SLC2A14: variants seen among roughly 807,000 people sequenced by gnomAD.
SLC2A14 encodes the protein solute carrier family 2, facilitated glucose transporter member 14.
Under a neutral mutation model 43.0 loss-of-function variants are expected in SLC2A14, and 13 were observed. That is an observed-to-expected ratio of 0.30 (90% CI 0.20 to 0.48). The LOEUF (loss-of-function observed/expected upper bound fraction) is 0.48, where lower values mean the gene tolerates loss of function less well. Ranked by LOEUF, SLC2A14 falls within the 20% of genes least tolerant of loss-of-function variation. The probability of loss-of-function intolerance (pLI) is 0.99; values close to 1 mark genes in which losing one functional copy is unlikely to be tolerated. For missense variants in SLC2A14, 428 were observed against 620.4 expected, an observed-to-expected ratio of 0.69 and a Z score of 3.29; for synonymous variants, 190 against 233.8, an observed-to-expected ratio of 0.81 and a Z score of 1.71.
At chr12:7,849,510 G>A (rs1253994687) in intron 2 of SLC2A14, among the ~76,000 whole-genome samples, 1 of 151,834 alleles carries the variant, frequency 6.6e-6, no homozygotes, top group African/African-American at 2.4e-5. Context: ...ACACACATAA[G>A]TAAATCAAGA....
At position 7,888,625 on chromosome 12, in the gene SLC2A14, C is replaced by T. The variant is rs774285631; in HGVS notation, c.132+2371G>A. ...CCATCCTGGCCAACATGGTGAAACC[C>T]CGTCTCTACTAAAAATACAAAAATT... On this transcript the variant is annotated intron_variant, in intron 1 of 9. Coordinates refer to the SLC2A14 transcript ENST00000539924. Among the ~76,000 whole-genome samples the T allele has an allele frequency of 4.0e-5, 6 of 151,892 alleles. No individual in the cohort carries two copies. The South Asian group carries it at 8.3e-4, about 21-fold the overall frequency.
intron 10 of SLC2A14, among the ~76,000 whole-genome samples, chr12:7,815,647 G>A (rs1331593475): frequency 2.0e-5 from 3 of 152,046 alleles, no homozygotes; most frequent in South Asian, 2.1e-4. Flanking sequence ...CATGAGCTCC[G>A]CTCACAGCAT....
At chr12:7,832,596 C>T (rs772701742) in intron 3 of SLC2A14, 126 bp downstream of exon 3, 19 of 994,756 alleles carry the variant, frequency 1.9e-5, no homozygotes, top group Non-Finnish European at 2.7e-5. Context: ...AAGCCTCAGC[C>T]TCCGGAGTAG....
chr12:7,825,465 A>C (rs1398453254), intron 7 of SLC2A14, among the ~76,000 whole-genome samples: 2 of 146,540 alleles, frequency 1.4e-5, no homozygotes, highest in African/African-American at 5.0e-5. Context: ...CTCTCAAAAA[A>C]AAAAAAAGAA....
In SLC2A14 at chr12:7,829,773, A is replaced by G; in HGVS notation, c.506T>C (p.Val169Ala). 2 of 1,614,166 alleles carry G rather than the reference A, an allele frequency of 1.2e-6. No individual in the cohort carries two copies. The highest frequency in any genetic ancestry group is 1.1e-5 in the South Asian group (1 of 91,088). ...NQLGIVIGIL[V>A]AQIFGLELIL... ...TGAGAAGTTCTAGAGTACCTGGGCC[A>G]CCAGAATTCCAATAACTATGCCCAG... Residue 169 changes from valine (V) to alanine (A), a missense_variant, in exon 5 of 11, where the codon GTG becomes GCG. By Grantham distance (64) the Val-to-Ala change is moderately conservative (BLOSUM62 0). This residue lies in a region of SLC2A14 where 185 missense variants were observed against 275.4 expected (regional missense o/e 0.67). Transcript: ENST00000431042.
In SLC2A14 at chr12:7,817,787, C is replaced by A. The variant is rs5015583; in HGVS notation, c.1275+44G>T. ...AGATAGATAGATAGATAGACAGATACATAGATAGATACATAGATACATAGA... is the reference window on the plus strand; with the variant it reads ...AGATAGATAGATAGATAGACAGATAAATAGATAGATACATAGATACATAGA... On this transcript the variant is annotated intron_variant, in intron 10 of 10. Transcript: ENST00000431042. 5 of 830,546 alleles carry A rather than the reference C, an allele frequency of 6.0e-6. No homozygotes were observed. In the Admixed American group the frequency reaches 1.1e-4, roughly 19 times the overall value. 51.4% of individuals were successfully genotyped at this position (830,546 alleles called of 1,614,324 possible).
chr12:7,850,075 T>A (rs905484221), intron 2 of SLC2A14, among the ~76,000 whole-genome samples: 1 of 148,348 alleles, frequency 6.7e-6, no homozygotes, highest in African/African-American at 2.5e-5. Flanking sequence ...TTTATTCACG[T>A]GGAAACACCC....
intron 2 of SLC2A14, among the ~76,000 whole-genome samples, chr12:7,838,592 A>C (rs1172572268): frequency 6.6e-6 from 1 of 152,216 alleles, no homozygotes; most frequent in Non-Finnish European, 1.5e-5. Context: ...CCTCAGGATT[A>C]ATCATACCTC....
At chr12:7,822,665 T>C (rs1864022165) in intron 7 of SLC2A14, among the ~76,000 whole-genome samples, 3 of 116,588 alleles carry the variant, frequency 2.6e-5, no homozygotes, top group South Asian at 6.0e-4. Context: ...CGAGACTCCA[T>C]CTCAAAAAAA....
At position 7,861,382 on chromosome 12, in the gene SLC2A14, C is replaced by G. The variant is rs149517079; in HGVS notation, c.18+8481G>C. 9.4e-4 allele frequency among the ~76,000 whole-genome samples: 143 copies of G among 152,168 alleles called. 2 individuals carry two copies. Among genetic ancestry groups the G allele is most frequent in the African/African-American group, 3.1e-3 (129 of 41,504 alleles). On this transcript the variant is annotated intron_variant, in intron 2 of 10. Transcript: ENST00000431042. The stretch of plus-strand genomic sequence containing the variant: ...GCTTCCAGGGATTAATTTCTGCTGT[C>G]TATTATCTGGTATACATGCTTTCAG...
chr12:7,875,804 G>A (rs1447579598), upstream of SLC2A14, among the ~76,000 whole-genome samples: 2 of 151,958 alleles, frequency 1.3e-5, no homozygotes, highest in South Asian at 2.1e-4. Context: ...GAAAGACCCC[G>A]TCTCTACTAA....
At chr12:7,838,664 C>A (rs1459478152) in intron 2 of SLC2A14, among the ~76,000 whole-genome samples, 2 of 152,140 alleles carry the variant, frequency 1.3e-5, no homozygotes, top group African/African-American at 4.8e-5. Flanking sequence ...GGAACTCATG[C>A]TGGAATGGGT....
intron 2 of SLC2A14, 98 bp from the exon 3 acceptor site, chr12:7,832,912 C>G (rs1865154728): frequency 8.5e-7 from 1 of 1,182,190 alleles, no homozygotes; most frequent in African/African-American, 1.5e-5. Flanking sequence ...GAGAATCTGA[C>G]CTATGAGTGG....
At chr12:7,870,294 C>A (rs1592312682) in intron 1 of SLC2A14, among the ~76,000 whole-genome samples, 1 of 152,150 alleles carries the variant, frequency 6.6e-6, no homozygotes, top group East Asian at 1.9e-4. Context: ...GGTAATCTTG[C>A]TGTCATAAAA....
chr12:7,881,342 G>A (rs2121106959), intron 1 of SLC2A14, among the ~76,000 whole-genome samples: 1 of 152,102 alleles, frequency 6.6e-6, no homozygotes, highest in South Asian at 2.1e-4. Context: ...GTTCCGGGTG[G>A]GTTTGGGCTC....
intron 2 of SLC2A14, among the ~76,000 whole-genome samples, chr12:7,839,254 G>A (rs1273776664): frequency 7.0e-6 from 1 of 142,564 alleles, no homozygotes; most frequent in Admixed American, 7.3e-5. Context: ...TCTCTCAGTA[G>A]AGATGATACT....
rs1864866656 is a variant in SLC2A14, at chr12:7,829,978, A to C, written c.301T>G (p.Leu101Val). The C allele has an allele frequency of 6.2e-7, 1 of 1,614,126 alleles. No individual in the cohort carries two copies. The highest frequency in any genetic ancestry group is 1.3e-5 in the African/African-American group (1 of 74,942). The change falls in exon 5 of 11, where the codon TTG (leucine) becomes GTG (valine). Residue 101 changes from leucine to valine, a missense_variant. Around this residue, in one of 4 missense-constraint regions of SLC2A14, gnomAD observed 122 missense variants for 128.8 expected, o/e 0.95. Coordinates refer to ENST00000431042, the MANE Select transcript of SLC2A14 (RefSeq NM_001286234.2). ...ATAAGGCAGCCACCAGTGGCAGCCA[A>C]CAGGTTGACAATCAGCATTGAATTG... is the stretch of plus-strand genomic sequence containing the variant. ...RRNSMLIVNL[L>V]AATGGCLMGL...
Position 7,814,147 on chromosome 12 carries a change from G to A in SLC2A14, c.*169C>T, listed in dbSNP as rs2120628253. 8.0e-7 allele frequency: 1 copy of A among 1,257,538 alleles called. No individual in the cohort carries two copies. Among genetic ancestry groups the A allele is most frequent in the African/African-American group, 1.5e-5 (1 of 66,584 alleles). 77.9% of individuals were successfully genotyped at this position (1,257,538 alleles called of 1,614,324 possible). A position where few individuals can be genotyped will look rare whatever the true frequency, so the allele number is the denominator to read the frequency against. ...AGGAAATAAAATTTAAAAAGCCATTGAAGATCCAACAAACTGCAGCCTTGG... is the reference window on the plus strand; with the variant it reads ...AGGAAATAAAATTTAAAAAGCCATTAAAGATCCAACAAACTGCAGCCTTGG... On this transcript the variant is annotated 3_prime_UTR_variant, in exon 11 of 11. Coordinates refer to ENST00000431042, the MANE Select transcript of SLC2A14 (RefSeq NM_001286234.2).
rs769402697 is a variant in SLC2A14 at position 7,860,005 on chromosome 12, C to T, written c.18+9858G>A. Reference sequence around the variant, plus strand: ...ATTACCAACCAAAGAGCTGACACTGCTCCACCCACGCCTGGTGCTTTTGCA... The same window carrying T: ...ATTACCAACCAAAGAGCTGACACTGTTCCACCCACGCCTGGTGCTTTTGCA... On this transcript the variant is annotated intron_variant, in intron 2 of 10. Transcript: ENST00000431042. 2.7e-3 allele frequency among the ~76,000 whole-genome samples: 414 copies of T among 152,220 alleles called. 1 individual carries two copies. Among genetic ancestry groups the T allele is most frequent in the African/African-American group, 9.7e-3 (402 of 41,504 alleles).
Sources: allele counts gnomAD v4.1 joint callset (sites outside exome capture counted in the v4.1 genomes callset), GRCh38; gene constraint gnomAD v4.1.1; regional missense constraint gnomAD v4.1.1; transcripts MANE v1.5; gene names NCBI Gene and HGNC (gene_info 2026-07-23, HGNC 2026-07-21).